Variants in KSR1 observed in about 807,000 individuals in gnomAD.
The protein encoded by KSR1 is kinase suppressor of ras 1.
A neutral mutation model predicts 92.9 loss-of-function variants in KSR1; 35 were observed. The ratio of observed to expected loss-of-function variants is 0.38; its 90% CI spans 0.29 to 0.50. The LOEUF (loss-of-function observed/expected upper bound fraction) is 0.50, where lower values mean the gene tolerates loss of function less well. Ranked by LOEUF, KSR1 falls within the 20% of genes least tolerant of loss-of-function variation. KSR1 has a pLI of 0.94. For missense variants in KSR1, 972 were observed against 1,158.5 expected (o/e 0.84, Z 2.34); for synonymous variants, 467 against 472.6 (o/e 0.99, Z 0.15).
At chr17:27,574,882 G>T (rs1295049532) in intron 2 of KSR1, among the ~76,000 whole-genome samples, 1 of 152,292 alleles carries the variant, frequency 6.6e-6, no homozygotes, top group East Asian at 1.9e-4. Context: ...GACAAAAAAA[G>T]GTCTGATCTG....
At chr17:27,460,013 C>A (rs1367275558) in intron 1 of KSR1, among the ~76,000 whole-genome samples, 1 of 152,164 alleles carries the variant, frequency 6.6e-6, no homozygotes, top group Non-Finnish European at 1.5e-5. Context: ...TTTTCCCTCT[C>A]TAAATATAAA....
intron 1 of KSR1, among the ~76,000 whole-genome samples, chr17:27,548,197 A>C (rs1156540533): frequency 1.3e-5 from 2 of 150,722 alleles, no homozygotes; most frequent in African/African-American, 4.9e-5. Context: ...GGAGTTCAAG[A>C]CCAGCCTAGG....
At chr17:27,484,539 G>A (rs2068606686) in intron 1 of KSR1, among the ~76,000 whole-genome samples, 1 of 152,202 alleles carries the variant, frequency 6.6e-6, no homozygotes, top group Admixed American at 6.5e-5. Context: ...TATTTATTTA[G>A]TGAACATTTA....
At chr17:27,611,733 G>C in intron 18 of KSR1, 104 bp downstream of exon 18, 2 of 1,358,970 alleles carry the variant, frequency 1.5e-6, no homozygotes, top group South Asian at 2.5e-5. Flanking sequence ...GGTCGGTGAG[G>C]AGCTCTGCCA....
intron 1 of KSR1, among the ~76,000 whole-genome samples, chr17:27,463,491 G>A (rs1480603415): frequency 1.3e-5 from 2 of 151,812 alleles, no homozygotes; most frequent in Admixed American, 1.3e-4. Flanking sequence ...AAAAGAGGCT[G>A]GACATGGTCC....
Position 27,499,458 on chromosome 17 carries a change from C to T in KSR1, c.231+42584C>T, listed in dbSNP as rs950558686. ...CCCAGCTTTTGGGAAATTAGGAAAA[C>T]GTGAATTCCAGAAACTATAGTCTGC... On this transcript the variant is annotated intron_variant, in intron 1 of 20. Coordinates refer to ENST00000644974, the MANE Select transcript of KSR1 (RefSeq NM_001394583.1). Among the ~76,000 whole-genome samples the T allele has an allele frequency of 7.9e-5, 12 of 152,294 alleles. No individual in the cohort carries two copies. In the South Asian group the frequency reaches 1.2e-3, roughly 16 times the overall value.
chr17:27,525,600 A>G (rs905320319), intron 1 of KSR1, among the ~76,000 whole-genome samples: 16 of 152,336 alleles, frequency 1.1e-4, no homozygotes, highest in Admixed American at 4.6e-4. Context: ...AAAGCCTGGC[A>G]TTTAGGAGAG....
At chr17:27,536,211 C>T (rs995536968) in intron 1 of KSR1, among the ~76,000 whole-genome samples, 10 of 152,170 alleles carry the variant, frequency 6.6e-5, no homozygotes, top group African/African-American at 2.4e-4. Context: ...GGCCCCTCCC[C>T]GAGAAGCACC....
chr17:27,501,366 A>G (rs1340990270), intron 1 of KSR1, among the ~76,000 whole-genome samples: 1 of 130,882 alleles, frequency 7.6e-6, no homozygotes, highest in Non-Finnish European at 1.5e-5. Context: ...TCTCTGGTTC[A>G]AGTGATTCTC....
chr17:27,499,650 G>C (rs990447762), intron 1 of KSR1, among the ~76,000 whole-genome samples: 20 of 152,222 alleles, frequency 1.3e-4, no homozygotes, highest in African/African-American at 4.6e-4. Flanking sequence ...CAGACAGCCG[G>C]CCCTTGGCAG....
chr17:27,555,515 TGTG>T (rs2071559402), intron 2 of KSR1, among the ~76,000 whole-genome samples: 1 of 56,560 alleles, frequency 1.8e-5, no homozygotes, highest in Non-Finnish European at 4.7e-5. Context: ...GTTTGGCGTG[TGTG>T]TGTGTGTGTG....
intron 1 of KSR1, among the ~76,000 whole-genome samples, chr17:27,515,611 G>GTTTTT (rs770675553): frequency 1.8e-5 from 2 of 109,046 alleles, no homozygotes; most frequent in Non-Finnish European, 3.9e-5. Flanking sequence ...CTGCTTCGTA[G>GTTTTT]TTTTTTTTTT....
chr17:27,522,013 G>T lies in KSR1; in HGVS notation c.232-28555G>T, dbSNP rs2070055250. ...GACATCACAAGTATTTATTTTCTAG[G>T]CCATGAGTTCTCAGAGGTCAAGTTC... On this transcript the variant is annotated intron_variant, in intron 1 of 20. Transcript: ENST00000644974. Among the ~76,000 whole-genome samples the T allele has an allele frequency of 3.3e-5, 5 of 152,078 alleles. No individual in the cohort carries two copies. The South Asian group carries it at 8.3e-4, about 25-fold the overall frequency.
At chr17:27,592,803 G>A (rs1244453856) in intron 9 of KSR1, among the ~76,000 whole-genome samples, 177 bp downstream of exon 9, 1 of 152,224 alleles carries the variant, frequency 6.6e-6, no homozygotes, top group East Asian at 1.9e-4. Flanking sequence ...TTACATTTAA[G>A]TTGTGGTGGT....
At chr17:27,522,979 G>T (rs1336278859) in intron 1 of KSR1, among the ~76,000 whole-genome samples, 1 of 152,208 alleles carries the variant, frequency 6.6e-6, no homozygotes, top group African/African-American at 2.4e-5. Flanking sequence ...GAAATTGGCA[G>T]TTTAGAAATA....
intron 1 of KSR1, among the ~76,000 whole-genome samples, chr17:27,519,127 A>G (rs2069918313): frequency 6.6e-6 from 1 of 152,202 alleles, no homozygotes; most frequent in Non-Finnish European, 1.5e-5. Context: ...GGTAATGGTG[A>G]CAGTGGGAGG....
rs564919779 is a variant in KSR1, at chr17:27,584,180, G to A, written c.980+1075G>A. Reference sequence around the variant, plus strand: ...ATTGGGGCACCTGGTTTCTCTCCTCGGCATGGGCACCCCTTTCCTACGCTT... The same window carrying A: ...ATTGGGGCACCTGGTTTCTCTCCTCAGCATGGGCACCCCTTTCCTACGCTT... On this transcript the variant is annotated intron_variant, in intron 4 of 20. Transcript: ENST00000644974. Among the ~76,000 whole-genome samples, 10 of 152,190 alleles carry A rather than the reference G, an allele frequency of 6.6e-5. No homozygotes were observed. In the East Asian group the frequency reaches 7.7e-4, roughly 12 times the overall value.
chr17:27,603,501 A>T (rs2073639651), intron 11 of KSR1, among the ~76,000 whole-genome samples: 2 of 152,192 alleles, frequency 1.3e-5, no homozygotes, highest in Non-Finnish European at 2.9e-5. Context: ...TGCTTTTACC[A>T]CTTGCTTGGT....
intron 1 of KSR1, among the ~76,000 whole-genome samples, chr17:27,515,247 A>G (rs1347170352): frequency 6.6e-6 from 1 of 152,206 alleles, no homozygotes; most frequent in East Asian, 1.9e-4. Context: ...TCAACAACAG[A>G]CCACGTGTAT....
Sources: allele counts gnomAD v4.1 joint callset (sites outside exome capture counted in the v4.1 genomes callset), GRCh38; gene constraint gnomAD v4.1.1; transcripts MANE v1.5; gene names NCBI Gene and HGNC (gene_info 2026-07-23, HGNC 2026-07-21).